DST: variants seen among roughly 807,000 people sequenced by gnomAD.
DST encodes bullous pemphigoid antigen.
DST carries 253 observed loss-of-function variants against 875.2 expected under a neutral mutation model. The ratio of observed to expected loss-of-function variants is 0.29; its 90% confidence interval spans 0.26 to 0.32. The LOEUF is 0.32. Ranked by LOEUF, DST falls within the 10% of genes least tolerant of loss-of-function variation. The probability of loss-of-function intolerance (pLI) is 1.00; values close to 1 mark genes in which losing one functional copy is unlikely to be tolerated. For missense variants in DST, 8,287 were observed against 9,111.6 expected (o/e 0.91, Z 3.68); for synonymous variants, 3,124 against 3,197.1 (o/e 0.98, Z 0.77).
At chr6:56,554,385 C>T (rs980161531) in intron 60 of DST, among the ~76,000 whole-genome samples, 4 of 152,004 alleles carry the variant, frequency 2.6e-5, no homozygotes, top group Non-Finnish European at 5.9e-5. Context: ...CTCCTGGCCA[C>T]GTCTATGACT....
At chr6:56,943,430 C>CTTTTTTTTTTT (rs1408845257) in intron 2 of DST, among the ~76,000 whole-genome samples, 1 of 136,004 alleles carries the variant, frequency 7.4e-6, no homozygotes, top group African/African-American at 2.7e-5. Context: ...TTTTCTTTTT[C>CTTTTTTTTTTT]TTTTTTTTTT....
At chr6:56,691,453 T>C (rs1215784837) in intron 9 of DST, among the ~76,000 whole-genome samples, 4 of 152,180 alleles carry the variant, frequency 2.6e-5, no homozygotes, top group African/African-American at 4.8e-5. Flanking sequence ...CCTCATTCTA[T>C]CATTATGCAA....
At position 56,530,117 on chromosome 6, in the gene DST, C is replaced by T. The variant is rs1227628949; in HGVS notation, c.17125G>A (p.Gly5709Ser). Residue 5709 changes from glycine (G) to serine (S), a missense_variant, in exon 65 of 104, where the codon GGT (glycine) becomes AGT (serine). Gly to Ser is a moderately conservative substitution (Grantham distance 56, BLOSUM62 0). Around this residue, in one of 10 missense-constraint regions of DST, gnomAD observed 777 missense variants for 764.8 expected, o/e 1.02. Transcript: ENST00000680361. ...AATTGCTGTGCTACCACCGAGATACCTTCCAACTGACGATTCCTACAAATG... is the reference window on the plus strand; with the variant it reads ...AATTGCTGTGCTACCACCGAGATACTTTCCAACTGACGATTCCTACAAATG... ...KAETRNRQLE[G>S]ISVVAQQFHE... is the part of the protein sequence containing the mutation. 1.3e-6 allele frequency: 2 copies of T among 1,594,022 alleles called. No individual in the cohort carries two copies. The highest frequency in any genetic ancestry group is 1.7e-6 in the Non-Finnish European group (2 of 1,171,978).
intron 27 of DST, 102 bp downstream of exon 27, chr6:56,634,030 C>T (rs1448651189): frequency 1.4e-5 from 19 of 1,338,602 alleles, no homozygotes; most frequent in East Asian, 2.3e-5. Flanking sequence ...ATGGATTTGC[C>T]GGACTCCATC....
chr6:56,727,483 AC>A (rs2099467437), intron 5 of DST, among the ~76,000 whole-genome samples: 1 of 152,212 alleles, frequency 6.6e-6, no homozygotes, highest in Admixed American at 6.5e-5. Context: ...ATATGTTAGC[AC>A]CACTGAACAA....
chr6:56,504,079 T>C lies in DST; in HGVS notation c.19484A>G (p.Asp6495Gly). 1 of 1,609,492 alleles carries C rather than the reference T, an allele frequency of 6.2e-7. No homozygotes were observed. Among genetic ancestry groups the C allele is most frequent in the Non-Finnish European group, 8.5e-7 (1 of 1,178,022 alleles). The change falls in exon 78 of 104, where the codon GAT (aspartate) becomes GGT (glycine). Residue 6495 changes from aspartate to glycine, a missense_variant. This residue lies in a region of DST where 1,292 missense variants were observed against 1,552.7 expected (regional missense o/e 0.83). Coordinates refer to ENST00000680361, the MANE Select transcript of DST (RefSeq NM_001374736.1). ...DGLQAVFDWV[D>G]IAGGKLASMS... ...TGAAGCTAATTTACCACCTGCAATA[T>C]CTACCCAGTCAAATACCGCCTGAAA...
chr6:56,645,843 G>T (rs1353936032), intron 15 of DST, 23 bp downstream of exon 15: 8 of 1,607,654 alleles, frequency 5.0e-6, no homozygotes, highest in Non-Finnish European at 6.8e-6. Context: ...TGATATTCAT[G>T]GCAGAAAACA....
At chr6:56,789,741 T>G (rs1483188911) in intron 4 of DST, among the ~76,000 whole-genome samples, 2 of 152,234 alleles carry the variant, frequency 1.3e-5, no homozygotes, top group Admixed American at 1.3e-4. Flanking sequence ...CTTAGCATTA[T>G]GTCCTCAAGG....
intron 4 of DST, among the ~76,000 whole-genome samples, chr6:56,838,610 C>G (rs1001326609): frequency 6.6e-6 from 1 of 151,654 alleles, no homozygotes; most frequent in Non-Finnish European, 1.5e-5. Context: ...TTTTTAAAGT[C>G]TCTGGGCTAA....
At position 56,605,645 on chromosome 6, in the gene DST, C is replaced by T; in HGVS notation, c.8983G>A (p.Asp2995Asn). The change falls in exon 40 of 104, where the codon GAT becomes AAT. Residue 2995 changes from aspartate to asparagine, a missense_variant. Around this residue, in one of 10 missense-constraint regions of DST, gnomAD observed 3,138 missense variants for 3,116.6 expected, o/e 1.01. Coordinates refer to ENST00000680361, the MANE Select transcript of DST (RefSeq NM_001374736.1). ...NMTPKVDSSL[D>N]HIICTEPDLI... ...TCAGGCTCAGTACAAATGATGTGAT[C>T]AAGAGATGAGTCAACTTTTGGTGTC... is the stretch of plus-strand genomic sequence containing the variant. 6.2e-7 allele frequency: 1 copy of T among 1,612,926 alleles called. No individual in the cohort carries two copies. The highest frequency in any genetic ancestry group is 1.3e-5 in the African/African-American group (1 of 74,978).
Position 56,603,850 on chromosome 6 carries a change from C to T in DST, c.10778G>A (p.Ser3593Asn), listed in dbSNP as rs1208495353. Reference sequence around the variant, plus strand: ...AGGTCAACTTACTTGTTCGGTTGAGCTATCTCCAGAAGCCATCTCTTTAGA... The same window carrying T: ...AGGTCAACTTACTTGTTCGGTTGAGTTATCTCCAGAAGCCATCTCTTTAGA... ...SGSKEMASGD[S>N]STEQFSSELQ... is the part of the protein sequence containing the mutation. Residue 3593 changes from serine to asparagine, a missense_variant, in exon 40 of 104, where the codon AGC becomes AAC. Coordinates refer to ENST00000680361, the MANE Select transcript of DST (RefSeq NM_001374736.1). 3.1e-6 allele frequency: 5 copies of T among 1,608,572 alleles called. No individual in the cohort carries two copies. The highest frequency in any genetic ancestry group is 3.4e-6 in the Non-Finnish European group (4 of 1,177,874).
intron 4 of DST, among the ~76,000 whole-genome samples, chr6:56,779,961 T>A (rs943086566): frequency 3.4e-5 from 5 of 145,604 alleles, no homozygotes; most frequent in Admixed American, 2.1e-4. Flanking sequence ...CATCTATGAG[T>A]GAGAACATGG....
intron 9 of DST, among the ~76,000 whole-genome samples, chr6:56,698,912 T>C (rs557516631): frequency 3.5e-4 from 53 of 152,332 alleles, no homozygotes; most frequent in Non-Finnish European, 7.1e-4. Flanking sequence ...ATCACCCAGA[T>C]AGTGAGCACA....
intron 2 of DST, among the ~76,000 whole-genome samples, chr6:56,916,784 A>T (rs1035476129): frequency 9.6e-4 from 122 of 126,744 alleles, no homozygotes; most frequent in East Asian, 2.1e-3. Flanking sequence ...TCTCTCACAC[A>T]CACACACACA....
intron 54 of DST, 37 bp downstream of exon 54, chr6:56,569,819 A>G (rs371211286): frequency 2.6e-6 from 4 of 1,564,388 alleles, no homozygotes; most frequent in African/African-American, 1.4e-5. Flanking sequence ...CATTATTGAC[A>G]CAAATGGAAA....
chr6:56,877,488 G>A (rs1286711759), intron 3 of DST, among the ~76,000 whole-genome samples: 23 of 152,308 alleles, frequency 1.5e-4, no homozygotes, highest in Admixed American at 1.3e-3. Flanking sequence ...CCCAGGAGGC[G>A]GAGGTTGCAG....
chr6:56,508,868 C>T, intron 74 of DST, 113 bp from the exon 75 acceptor site: 1 of 841,704 alleles, frequency 1.2e-6, no homozygotes, highest in Non-Finnish European at 1.8e-6. Context: ...GTATCTAAAA[C>T]TGGACCAAGT....
chr6:56,622,163 A>G (rs1426502600), intron 36 of DST, among the ~76,000 whole-genome samples: 1 of 152,204 alleles, frequency 6.6e-6, no homozygotes, highest in Non-Finnish European at 1.5e-5. Context: ...AAACTTAGCT[A>G]TTGCTAAGAA....
chr6:56,838,762 A>G (rs1459502363), intron 4 of DST, among the ~76,000 whole-genome samples: 1 of 152,266 alleles, frequency 6.6e-6, no homozygotes, highest in East Asian at 1.9e-4. Flanking sequence ...GAGGCAATAA[A>G]CACAATTTAA....
Sources: gnomAD v4.1 joint callset for allele counts (sites outside exome capture counted in the v4.1 genomes callset) on GRCh38, gnomAD v4.1.1 for gene constraint, gnomAD v4.1.1 regional missense constraint, MANE v1.5 for transcripts, NCBI Gene and HGNC (gene_info 2026-07-23, HGNC 2026-07-21) for gene names.